SPIDR: variants seen among roughly 807,000 people sequenced by gnomAD.
SPIDR encodes scaffold protein involved in DNA repair.
SPIDR carries 93 observed loss-of-function variants against 104.6 expected under a neutral mutation model. The observed-to-expected ratio is 0.89, with a 90% CI of 0.75 to 1.06. SPIDR has a LOEUF of 1.06. SPIDR is among the 50% of genes least tolerant of loss of function. The pLI is 0.00. For missense variants in SPIDR, 1,154 were observed against 1,111.2 expected, an observed-to-expected ratio of 1.04 and a Z score of -0.55; for synonymous variants, 431 against 416.9, an observed-to-expected ratio of 1.03 and a Z score of -0.41.
At chr8:47,609,814 T>A (rs1389509927) in intron 10 of SPIDR, among the ~76,000 whole-genome samples, 1 of 152,200 alleles carries the variant, frequency 6.6e-6, no homozygotes, top group Non-Finnish European at 1.5e-5. Flanking sequence ...ATAACTTTCT[T>A]GGTGAACTTA....
rs782553554 is a variant in SPIDR, at chr8:47,407,919, T to C, written c.835T>C (p.Leu279=). 1 of 1,605,674 alleles carries C rather than the reference T, an allele frequency of 6.2e-7. No homozygotes were observed. The highest frequency in any genetic ancestry group is 8.5e-7 in the Non-Finnish European group (1 of 1,174,540). ...GAATCGAGAGAGATCTGCTATTTCT[T>C]TGTGGAGACATCAATGTATTTCTTA... ...LQNRERSAIS[L]WRHQCISYQK... The change falls in exon 7 of 20, where the codon TTG becomes CTG. Residue 279 remains leucine, a synonymous_variant. Transcript: ENST00000297423.
At chr8:47,311,839 A>G (rs587614210) in intron 5 of SPIDR, among the ~76,000 whole-genome samples, 9 of 152,184 alleles carry the variant, frequency 5.9e-5, no homozygotes, top group Non-Finnish European at 8.8e-5. Flanking sequence ...ATTTAACATT[A>G]GGTATACCTC....
chr8:47,483,408 G>T (rs1013918593), intron 8 of SPIDR, among the ~76,000 whole-genome samples: 2 of 152,174 alleles, frequency 1.3e-5, no homozygotes, highest in Non-Finnish European at 2.9e-5. Flanking sequence ...AACAGGGCAG[G>T]ATAAATGCCT....
intron 5 of SPIDR, among the ~76,000 whole-genome samples, chr8:47,351,680 A>G (rs1414175896): frequency 2.0e-5 from 3 of 152,226 alleles, no homozygotes; most frequent in African/African-American, 7.2e-5. Context: ...CAAATTCTAC[A>G]AAGTTCCAAA....
At chr8:47,409,102 C>T (rs986397766) in intron 7 of SPIDR, among the ~76,000 whole-genome samples, 1 of 152,210 alleles carries the variant, frequency 6.6e-6, no homozygotes, top group African/African-American at 2.4e-5. Context: ...AAGAGAATCG[C>T]TTGAACCCAG....
intron 11 of SPIDR, among the ~76,000 whole-genome samples, chr8:47,691,830 C>CT: frequency 6.6e-6 from 1 of 152,210 alleles, no homozygotes; most frequent in Non-Finnish European, 1.5e-5. Context: ...GCTAGCTTGA[C>CT]TTAGGAAAAG....
chr8:47,424,140 C>G (rs1357635064), intron 7 of SPIDR, among the ~76,000 whole-genome samples: 1 of 152,078 alleles, frequency 6.6e-6, no homozygotes, highest in Non-Finnish European at 1.5e-5. Flanking sequence ...ATGTTCATAG[C>G]CTACTTGTTT....
At chr8:47,606,465 G>A (rs1415093620) in intron 10 of SPIDR, among the ~76,000 whole-genome samples, 1 of 152,076 alleles carries the variant, frequency 6.6e-6, no homozygotes, top group Non-Finnish European at 1.5e-5. Context: ...GGTGGAGCTT[G>A]CAGTGAGCCG....
intron 8 of SPIDR, among the ~76,000 whole-genome samples, chr8:47,514,735 A>G (rs2082857874): frequency 6.6e-6 from 1 of 152,204 alleles, no homozygotes; most frequent in Non-Finnish European, 1.5e-5. Flanking sequence ...GGTGACTGAT[A>G]TTAAGATATC....
intron 10 of SPIDR, chr8:47,654,107 G>T (rs1335016569): frequency 7.8e-7 from 1 of 1,289,836 alleles, no homozygotes; most frequent in South Asian, 1.2e-5. Flanking sequence ...GTACCAAGAG[G>T]CATGCAGGAG....
chr8:47,369,973 A>G (rs2057767387), intron 5 of SPIDR, among the ~76,000 whole-genome samples: 1 of 151,588 alleles, frequency 6.6e-6, no homozygotes, highest in South Asian at 2.1e-4. Flanking sequence ...CTTTAACACA[A>G]TGTAAAGAAA....
At chr8:47,567,261 C>G (rs1013901659) in intron 8 of SPIDR, among the ~76,000 whole-genome samples, 22 of 151,352 alleles carry the variant, frequency 1.5e-4, no homozygotes, top group Non-Finnish European at 1.5e-5. Context: ...CTCTCGTTGC[C>G]CATGCTGGAG....
At chr8:47,585,023 A>G (rs1357450574) in intron 8 of SPIDR, among the ~76,000 whole-genome samples, 1 of 152,214 alleles carries the variant, frequency 6.6e-6, no homozygotes, top group Non-Finnish European at 1.5e-5. Flanking sequence ...TAGGTATTAG[A>G]TACTAAGAAA....
intron 5 of SPIDR, among the ~76,000 whole-genome samples, chr8:47,390,291 G>T (rs2060428577): frequency 6.6e-6 from 1 of 152,022 alleles, no homozygotes; most frequent in African/African-American, 2.4e-5. Context: ...GCATGTATGT[G>T]CCCAGTGAAA....
chr8:47,418,205 A>G (rs1422420959), intron 7 of SPIDR, among the ~76,000 whole-genome samples: 3 of 152,172 alleles, frequency 2.0e-5, no homozygotes, highest in Non-Finnish European at 2.9e-5. Context: ...TCCATAAATT[A>G]CCTTGGACAG....
chr8:47,674,368 C>CATT (rs2076156296), intron 11 of SPIDR, among the ~76,000 whole-genome samples: 1 of 152,152 alleles, frequency 6.6e-6, no homozygotes, highest in South Asian at 2.1e-4. Flanking sequence ...AGTAAGCAAG[C>CATT]ATTGTTCTCT....
intron 10 of SPIDR, among the ~76,000 whole-genome samples, chr8:47,653,341 A>G (rs1563432878): frequency 6.6e-6 from 1 of 152,182 alleles, no homozygotes; most frequent in Admixed American, 6.5e-5. Flanking sequence ...TCAGTGATGA[A>G]TAGGCATGGG....
intron 8 of SPIDR, among the ~76,000 whole-genome samples, chr8:47,574,869 C>A (rs2058901606): frequency 6.6e-6 from 1 of 152,026 alleles, no homozygotes; most frequent in Non-Finnish European, 1.5e-5. Flanking sequence ...CTTTTTATAC[C>A]TTTTAAAGTA....
chr8:47,286,675 T>C (rs2038906146), intron 3 of SPIDR, among the ~76,000 whole-genome samples: 2 of 152,174 alleles, frequency 1.3e-5, no homozygotes. Context: ...AAGGCTGATC[T>C]TTCTAATAAA....
Sources: allele counts gnomAD v4.1 joint callset (sites outside exome capture counted in the v4.1 genomes callset), GRCh38; gene constraint gnomAD v4.1.1; transcripts MANE v1.5; gene names NCBI Gene and HGNC (gene_info 2026-07-23, HGNC 2026-07-21).